DHRS4L2: variants seen among roughly 807,000 people sequenced by gnomAD.
DHRS4L2 encodes dehydrogenase/reductase SDR family member 4-like 2.
Under a neutral mutation model 23.9 loss-of-function variants are expected in DHRS4L2, and 22 were observed. The observed-to-expected ratio is 0.92, with a 90% confidence interval of 0.66 to 1.31. The LOEUF (loss-of-function observed/expected upper bound fraction) is 1.31, where lower values mean the gene tolerates loss of function less well. Among genes scored for constraint, DHRS4L2 ranks in the 40% most tolerant of loss-of-function variants. The pLI is 0.00. For missense variants in DHRS4L2, 385 were observed against 303.3 expected (o/e 1.27, Z -2.00); for synonymous variants, 141 against 123.7 (o/e 1.14, Z -0.93).
At chr14:23,989,340 T>G (rs1259431215) in intron 1 of DHRS4L2, among the ~76,000 whole-genome samples, 1 of 151,708 alleles carries the variant, frequency 6.6e-6, no homozygotes, top group East Asian at 1.9e-4. Context: ...TGTTCTGGGC[T>G]GCCCCAGTCA....
At chr14:23,991,061 C>T (rs1366832302) in intron 2 of DHRS4L2, 2 of 222,728 alleles carry the variant, frequency 9.0e-6, no homozygotes, top group Admixed American at 1.3e-4. Context: ...AAAGGAAGCT[C>T]CTCTTCCCTT....
rs4048591 is a variant in DHRS4L2, at chr14:23,976,971, A to G, written c.-176+6639A>G. 1.0e-3 allele frequency among the ~76,000 whole-genome samples: 153 copies of G among 151,792 alleles called. 1 individual carries two copies. Among genetic ancestry groups the G allele is most frequent in the Middle Eastern group, 3.4e-3 (1 of 292 alleles). ...GTCTGTTGGGGGCTGGGGGGCTGGG[A>G]GAGGGATAGCATTAGGAGAAATACC... On this transcript the variant is annotated intron_variant, in intron 1 of 5. Transcript: ENST00000534993.
upstream of DHRS4L2, among the ~76,000 whole-genome samples, chr14:23,985,675 C>T (rs1313191963): frequency 2.6e-5 from 4 of 151,628 alleles, no homozygotes; most frequent in Non-Finnish European, 1.5e-5. Flanking sequence ...GATACTCCCA[C>T]ATATGTATGT....
upstream of DHRS4L2, among the ~76,000 whole-genome samples, chr14:23,986,580 G>A (rs568400023): frequency 6.6e-6 from 1 of 151,364 alleles, no homozygotes; most frequent in Admixed American, 6.6e-5. Context: ...GCCCACACAA[G>A]GAAGGGCCAT....
intron 1 of DHRS4L2, among the ~76,000 whole-genome samples, chr14:23,981,429 T>C (rs2034050253): frequency 6.6e-6 from 1 of 151,690 alleles, no homozygotes; most frequent in Non-Finnish European, 1.5e-5. Flanking sequence ...CTAATGACTT[T>C]CTTCACAAAA....
chr14:23,990,561 G>A (rs2034249299), intron 2 of DHRS4L2, among the ~76,000 whole-genome samples: 1 of 151,164 alleles, frequency 6.6e-6, no homozygotes. Context: ...CATCCCTTGA[G>A]TACCCCAAAG....
intron 2 of DHRS4L2, chr14:23,990,698 G>C (rs2034251919): frequency 9.4e-7 from 1 of 1,060,658 alleles, no homozygotes; most frequent in Non-Finnish European, 1.2e-6. Context: ...TCAGCTTATA[G>C]AGTCAAGTCC....
intron 2 of DHRS4L2, among the ~76,000 whole-genome samples, chr14:23,991,668 AGC>A (rs2034272514): frequency 6.6e-6 from 1 of 151,482 alleles, no homozygotes; most frequent in Non-Finnish European, 1.5e-5. Flanking sequence ...CACAGTGGAG[AGC>A]ACAGGCTCAG....
At chr14:23,976,955 G>A (rs3966040) in intron 1 of DHRS4L2, among the ~76,000 whole-genome samples, 5 of 150,688 alleles carry the variant, frequency 3.3e-5, no homozygotes, top group African/African-American at 1.2e-4. Context: ...GGTCTGTTGG[G>A]GGCTGGGGGG....
intron 3 of DHRS4L2, among the ~76,000 whole-genome samples, chr14:23,996,144 T>G (rs1223326048): frequency 2.0e-5 from 3 of 151,652 alleles, no homozygotes; most frequent in Non-Finnish European, 4.4e-5. Flanking sequence ...GAGTGAGAAC[T>G]CACTCATTGC....
chr14:23,976,785 T>A (rs2033974786), intron 1 of DHRS4L2, among the ~76,000 whole-genome samples: 1 of 151,798 alleles, frequency 6.6e-6, no homozygotes, highest in Non-Finnish European at 1.5e-5. Flanking sequence ...TAAAAAAGGA[T>A]GAGTTCGTGT....
At chr14:23,991,773 G>C (rs931523876) in intron 2 of DHRS4L2, among the ~76,000 whole-genome samples, 1 of 134,268 alleles carries the variant, frequency 7.4e-6, no homozygotes, top group Non-Finnish European at 1.6e-5. Flanking sequence ...TTTCATTCTT[G>C]TTGCCCAGGC....
intron 1 of DHRS4L2, among the ~76,000 whole-genome samples, chr14:23,972,108 A>G (rs1216234278): frequency 6.6e-6 from 1 of 152,096 alleles, no homozygotes; most frequent in Non-Finnish European, 1.5e-5. Context: ...AGACACACAT[A>G]GGCCCAAAAT....
chr14:23,973,519 G>C (rs1431476920), intron 1 of DHRS4L2, among the ~76,000 whole-genome samples: 1 of 151,886 alleles, frequency 6.6e-6, no homozygotes, highest in Admixed American at 6.5e-5. Flanking sequence ...AGCGAGGGCT[G>C]CCAGCACACT....
chr14:23,996,086 G>A (rs1306522730), intron 3 of DHRS4L2, among the ~76,000 whole-genome samples: 1 of 151,648 alleles, frequency 6.6e-6, no homozygotes, highest in Non-Finnish European at 1.5e-5. Flanking sequence ...GGAAGCAAGA[G>A]AGAGATACCA....
At position 23,972,187 on chromosome 14, in the gene DHRS4L2, G is replaced by A. The variant is rs765323964; in HGVS notation, c.-176+1855G>A. Among the ~76,000 whole-genome samples, 34 of 151,910 alleles carry A rather than the reference G, an allele frequency of 2.2e-4. 1 individual carries two copies. The highest frequency in any genetic ancestry group is 1.3e-3 in the South Asian group (6 of 4,792). On this transcript the variant is annotated intron_variant, in intron 1 of 5. Transcript: ENST00000534993. Reference sequence around the variant, plus strand: ...CAAGAATGAAGCTGCGGACCCTCGCGGTGAGTGTTACAGTTCTTAAAGGCA... The same window carrying A: ...CAAGAATGAAGCTGCGGACCCTCGCAGTGAGTGTTACAGTTCTTAAAGGCA...
At chr14:23,996,865 C>T (rs1470126133) in intron 3 of DHRS4L2, among the ~76,000 whole-genome samples, 3 of 151,922 alleles carry the variant, frequency 2.0e-5, no homozygotes, top group African/African-American at 7.2e-5. Context: ...AAATTCCTGG[C>T]CTCAACTGAT....
upstream of DHRS4L2, among the ~76,000 whole-genome samples, chr14:23,986,733 AAT>A (rs2034150714): frequency 2.6e-5 from 4 of 151,128 alleles, no homozygotes; most frequent in African/African-American, 7.3e-5. Context: ...AGAGAGATCA[AAT>A]ACCCCCCTGG....
chr14:23,975,089 A>G (rs1489870531), intron 1 of DHRS4L2, among the ~76,000 whole-genome samples: 5 of 151,782 alleles, frequency 3.3e-5, no homozygotes, highest in Admixed American at 6.6e-5. Flanking sequence ...GGCCAGGGCA[A>G]TCAGGCAAGA....
Sources: allele counts gnomAD v4.1 joint callset (sites outside exome capture counted in the v4.1 genomes callset), GRCh38; gene constraint gnomAD v4.1.1; transcripts MANE v1.5; gene names NCBI Gene and HGNC (gene_info 2026-07-23, HGNC 2026-07-21).